The following POU6F2 variants were observed in gnomAD, a reference collection of about 807,000 sequenced individuals.
POU6F2 encodes the protein POU class 6 homeobox 2.
In POU6F2, 31 loss-of-function variants were observed where a neutral mutation model predicts 71.3. The observed-to-expected ratio is 0.43, with a 90% CI of 0.33 to 0.59. The LOEUF is 0.59. Among genes scored for constraint, POU6F2 ranks in the 20% least tolerant of loss-of-function variants. POU6F2 has a pLI of 0.04. For missense variants in POU6F2, 783 were observed against 856.8 expected (o/e 0.91, Z 1.07); for synonymous variants, 347 against 355.7 (o/e 0.98, Z 0.27).
chr7:38,990,193 G>T (rs1258568140), intron 1 of POU6F2, among the ~76,000 whole-genome samples: 1 of 152,044 alleles, frequency 6.6e-6, no homozygotes, highest in Non-Finnish European at 1.5e-5. Flanking sequence ...ATGGTGATAT[G>T]AAGTCAGAGG....
chr7:39,074,608 A>G (rs1790958600), intron 1 of POU6F2, among the ~76,000 whole-genome samples: 1 of 152,216 alleles, frequency 6.6e-6, no homozygotes. Flanking sequence ...TGTGCCCAGC[A>G]CTGTCCTAAT....
chr7:39,435,642 A>T (rs1237268398), intron 7 of POU6F2, among the ~76,000 whole-genome samples: 2 of 152,070 alleles, frequency 1.3e-5, no homozygotes, highest in Non-Finnish European at 2.9e-5. Context: ...ATTAGATCTC[A>T]TTTGTCAATT....
chr7:39,158,314 C>A (rs1792916477), intron 2 of POU6F2, among the ~76,000 whole-genome samples: 1 of 152,116 alleles, frequency 6.6e-6, no homozygotes, highest in Non-Finnish European at 1.5e-5. Flanking sequence ...GAATCGCAGT[C>A]CTCAAGTTTC....
At chr7:39,268,583 A>G (rs1196098982) in intron 4 of POU6F2, among the ~76,000 whole-genome samples, 3 of 152,268 alleles carry the variant, frequency 2.0e-5, no homozygotes, top group Middle Eastern at 3.4e-3. Context: ...GTAGAAAAAT[A>G]GGTAAGGGAA....
intron 2 of POU6F2, among the ~76,000 whole-genome samples, chr7:39,144,604 A>C (rs972388334): frequency 1.3e-5 from 2 of 152,336 alleles, no homozygotes; most frequent in Non-Finnish European, 2.9e-5. Context: ...AGTGTGAATA[A>C]GTACCCATAA....
chr7:39,291,434 C>CAGA (rs1784753826), intron 4 of POU6F2, among the ~76,000 whole-genome samples: 1 of 152,220 alleles, frequency 6.6e-6, no homozygotes, highest in Non-Finnish European at 1.5e-5. Context: ...TATTACATCT[C>CAGA]ATCTTGTTTT....
intron 1 of POU6F2, among the ~76,000 whole-genome samples, chr7:39,015,828 TA>T (rs1475821362): frequency 1.6e-5 from 1 of 62,186 alleles, no homozygotes; most frequent in Non-Finnish European, 3.0e-5. Flanking sequence ...ATATTATATA[TA>T]GATATATAAT....
chr7:39,224,339 CA>C (rs889469342), intron 4 of POU6F2, among the ~76,000 whole-genome samples: 2 of 148,220 alleles, frequency 1.3e-5, no homozygotes, highest in Non-Finnish European at 3.0e-5. Context: ...ATTTGCATTT[CA>C]AATCATTAAT....
intron 2 of POU6F2, among the ~76,000 whole-genome samples, chr7:39,122,580 C>T (rs1792063079): frequency 6.6e-6 from 1 of 152,114 alleles, no homozygotes; most frequent in South Asian, 2.1e-4. Context: ...TATTGCCTTT[C>T]CCTGATGCTC....
chr7:39,198,360 ATCT>A (rs1793827390), intron 2 of POU6F2, among the ~76,000 whole-genome samples: 1 of 152,242 alleles, frequency 6.6e-6, no homozygotes, highest in Admixed American at 6.5e-5. Context: ...TTTGTAGTTT[ATCT>A]AACTGTCCCA....
chr7:39,215,139 G>A (rs1282826103), intron 4 of POU6F2, among the ~76,000 whole-genome samples: 1 of 152,154 alleles, frequency 6.6e-6, no homozygotes, highest in African/African-American at 2.4e-5. Context: ...GAGGTCACAA[G>A]TTCAAGACCA....
intron 4 of POU6F2, among the ~76,000 whole-genome samples, chr7:39,276,959 G>A (rs1784452606): frequency 6.6e-6 from 1 of 151,502 alleles, no homozygotes; most frequent in Non-Finnish European, 1.5e-5. Flanking sequence ...GCTAAATGAC[G>A]AGTTAATGGG....
chr7:39,017,866 T>TTATC (rs1789596222), intron 1 of POU6F2, among the ~76,000 whole-genome samples: 1 of 151,522 alleles, frequency 6.6e-6, no homozygotes, highest in South Asian at 2.1e-4. Flanking sequence ...TTTTTCAGAA[T>TTATC]TATCCTATTA....
intron 4 of POU6F2, among the ~76,000 whole-genome samples, chr7:39,281,376 T>G (rs1028228116): frequency 1.2e-4 from 19 of 152,134 alleles, no homozygotes; most frequent in Non-Finnish European, 2.1e-4. Context: ...TACCCTACTG[T>G]GCAATAGAAT....
intron 5 of POU6F2, among the ~76,000 whole-genome samples, chr7:39,399,323 G>A (rs1287929149): frequency 6.6e-6 from 1 of 152,136 alleles, no homozygotes; most frequent in African/African-American, 2.4e-5. Flanking sequence ...CCAAAACATA[G>A]TGGGTACTGA....
intron 2 of POU6F2, among the ~76,000 whole-genome samples, chr7:39,170,416 G>C (rs925250206): frequency 1.3e-5 from 2 of 152,064 alleles, no homozygotes; most frequent in Non-Finnish European, 2.9e-5. Flanking sequence ...TCAGGTCTAG[G>C]TCTGTAGATG....
intron 4 of POU6F2, among the ~76,000 whole-genome samples, chr7:39,286,436 T>C (rs570903368): frequency 1.3e-5 from 2 of 152,356 alleles, no homozygotes; most frequent in South Asian, 4.1e-4. Context: ...TTAATCTTAC[T>C]GTCAAATTAA....
At chr7:39,093,962 C>G (rs978982237) in intron 2 of POU6F2, among the ~76,000 whole-genome samples, 2 of 152,014 alleles carry the variant, frequency 1.3e-5, no homozygotes, top group Non-Finnish European at 2.9e-5. Context: ...TGTATTTTCT[C>G]TATTATAAAA....
At chr7:39,258,947 C>G (rs4294089) in intron 4 of POU6F2, among the ~76,000 whole-genome samples, 5 of 152,006 alleles carry the variant, frequency 3.3e-5, no homozygotes, top group African/African-American at 1.2e-4. Flanking sequence ...TATAACGTAG[C>G]GTTCTGGGTG....
Sources: gnomAD v4.1 joint callset for allele counts (sites outside exome capture counted in the v4.1 genomes callset) on GRCh38, gnomAD v4.1.1 for gene constraint, MANE v1.5 for transcripts, NCBI Gene and HGNC (gene_info 2026-07-23, HGNC 2026-07-21) for gene names.